The following CDC42BPB variants were observed in gnomAD, a reference collection of about 807,000 sequenced individuals.
The protein encoded by CDC42BPB is CDC42 binding protein kinase beta.
In CDC42BPB, 37 loss-of-function variants were observed where a neutral mutation model predicts 214.9. The observed-to-expected ratio is 0.17, with a 90% CI of 0.13 to 0.23. The LOEUF (loss-of-function observed/expected upper bound fraction) is 0.23. Among genes scored for constraint, CDC42BPB ranks in the 10% least tolerant of loss-of-function variants. The pLI is 1.00. For missense variants in CDC42BPB, 1,694 were observed against 2,227.0 expected, an observed-to-expected ratio of 0.76 and a Z score of 4.82; for synonymous variants, 931 against 884.0, an observed-to-expected ratio of 1.05 and a Z score of -0.94.
chr14:102,941,362 C>G (rs1891880791), intron 30 of CDC42BPB: 1 of 985,450 alleles, frequency 1.0e-6, no homozygotes. Flanking sequence ...GTTTCTATCA[C>G]AGACTCCAAA....
intron 1 of CDC42BPB, among the ~76,000 whole-genome samples, chr14:103,038,963 G>A (rs144255545): frequency 1.3e-5 from 2 of 152,210 alleles, no homozygotes; most frequent in African/African-American, 4.8e-5. Context: ...GACATTAACA[G>A]AAGTAAAGAA....
Position 102,978,743 on chromosome 14 carries a change from C to T in CDC42BPB, c.1141-538G>A, listed in dbSNP as rs532874539. On this transcript the variant is annotated intron_variant, in intron 8 of 36. Transcript: ENST00000361246. ...ACCAGGGGCCAGGCACAGTGGCTCACGCCTGTAGTCCCAGCAATTTGGGAG... is the reference window on the plus strand; with the variant it reads ...ACCAGGGGCCAGGCACAGTGGCTCATGCCTGTAGTCCCAGCAATTTGGGAG... Among the ~76,000 whole-genome samples, 39 of 152,294 alleles carry T rather than the reference C, an allele frequency of 2.6e-4. 1 individual carries two copies. The highest frequency in any genetic ancestry group is 6.5e-4 in the African/African-American group (27 of 41,560).
intron 5 of CDC42BPB, among the ~76,000 whole-genome samples, chr14:102,990,787 G>A (rs1171149930): frequency 6.6e-6 from 1 of 152,182 alleles, no homozygotes; most frequent in African/African-American, 2.4e-5. Flanking sequence ...GAGGCACAGC[G>A]CAAACACAGG....
At chr14:103,013,335 T>C (rs979456683) in intron 1 of CDC42BPB, among the ~76,000 whole-genome samples, 1 of 152,202 alleles carries the variant, frequency 6.6e-6, no homozygotes, top group African/African-American at 2.4e-5. Context: ...GTAACAGTAA[T>C]GTCCACCAGT....
At chr14:103,024,184 A>C (rs994354940) in intron 1 of CDC42BPB, among the ~76,000 whole-genome samples, 5 of 152,242 alleles carry the variant, frequency 3.3e-5, no homozygotes, top group Non-Finnish European at 7.3e-5. Context: ...AGAACCGTCT[A>C]CGCATCTTCC....
rs142788666 is a variant in CDC42BPB at position 102,944,755 on chromosome 14, T to C, written c.3812-268A>G. Reference sequence around the variant, plus strand: ...CCAAAGGCTCCTCTGCCTCTGCTGCTGTGCACACCCCTCAGTGCACCAGGG... The same window carrying C: ...CCAAAGGCTCCTCTGCCTCTGCTGCCGTGCACACCCCTCAGTGCACCAGGG... On this transcript the variant is annotated intron_variant, in intron 29 of 36. Coordinates refer to ENST00000361246, the MANE Select transcript of CDC42BPB (RefSeq NM_006035.4). The surrounding 1 kb of genome is among the most constrained non-coding windows in gnomAD (Gnocchi z 6.6). The C allele has an allele frequency of 6.4e-5, 48 of 752,722 alleles. No homozygotes were observed. In the African/African-American group the frequency reaches 8.8e-4, roughly 14 times the overall value. 46.6% of individuals were successfully genotyped at this position (752,722 alleles called of 1,614,324 possible). A position where few individuals can be genotyped will look rare whatever the true frequency, so the allele number is the denominator to read the frequency against.
chr14:103,011,397 T>C (rs1356387752), intron 2 of CDC42BPB, among the ~76,000 whole-genome samples: 2 of 152,146 alleles, frequency 1.3e-5, no homozygotes, highest in African/African-American at 4.8e-5. Flanking sequence ...TTTTAGAAAA[T>C]GCCAAGAAGT....
chr14:102,940,623 C>T, intron 30 of CDC42BPB: 1 of 561,478 alleles, frequency 1.8e-6, no homozygotes, highest in Non-Finnish European at 2.9e-6. Flanking sequence ...ATTTAGCTCT[C>T]ATGAGATGTG....
At chr14:102,999,271 T>G (rs1451585508) in intron 5 of CDC42BPB, among the ~76,000 whole-genome samples, 4 of 150,998 alleles carry the variant, frequency 2.6e-5, no homozygotes, top group Non-Finnish European at 5.9e-5. Context: ...GCACAGGCAT[T>G]TTAGGGAGGG....
At chr14:103,007,096 A>C (rs1028194493) in intron 3 of CDC42BPB, among the ~76,000 whole-genome samples, 1 of 152,222 alleles carries the variant, frequency 6.6e-6, no homozygotes, top group Admixed American at 6.5e-5. Context: ...GGCTTCTCCC[A>C]AAGAAGGAAG....
At position 102,978,225 on chromosome 14, in the gene CDC42BPB, A is replaced by G. The variant is rs1222821365; in HGVS notation, c.1141-20T>C. On this transcript the variant is annotated intron_variant, in intron 8 of 36. Coordinates refer to ENST00000361246, the MANE Select transcript of CDC42BPB (RefSeq NM_006035.4). ...TATTTCCTGCATAAGAACATATACA[A>G]CACAAATGAAATCTACATTCAAACA... 1 of 1,608,100 alleles carries G rather than the reference A, an allele frequency of 6.2e-7. No homozygotes were observed. Among genetic ancestry groups the G allele is most frequent in the Admixed American group, 1.7e-5 (1 of 59,946 alleles).
At chr14:103,022,117 C>T (rs1362907335) in intron 1 of CDC42BPB, among the ~76,000 whole-genome samples, 3 of 152,104 alleles carry the variant, frequency 2.0e-5, no homozygotes, top group Non-Finnish European at 4.4e-5. Flanking sequence ...AAGGACAGAA[C>T]CCTGGGGGGC....
At chr14:102,968,829 G>C in intron 14 of CDC42BPB, 113 bp from the exon 15 acceptor site, 1 of 1,531,834 alleles carries the variant, frequency 6.5e-7, no homozygotes, top group South Asian at 1.3e-5. Flanking sequence ...AGGACTGTGT[G>C]TGCCTGGTCT....
intron 5 of CDC42BPB, 150 bp from the exon 6 acceptor site, chr14:102,986,730 T>C (rs35202201): frequency 0.064 from 86,212 of 1,343,498 alleles, 3,167 homozygotes; most frequent in African/African-American, 0.12. Flanking sequence ...CTGTGTGACA[T>C]TCAGCTGGCA....
In CDC42BPB at chr14:102,954,635, C is replaced by T. The variant is rs779539659; in HGVS notation, c.2955G>A (p.Pro985=). The change falls in exon 22 of 37, where the codon CCG becomes CCA. Residue 985 remains proline (P), a synonymous_variant. Coordinates refer to ENST00000361246, the MANE Select transcript of CDC42BPB (RefSeq NM_006035.4). The part of the protein sequence containing the change: ...ETQAPKPEAS[P]SMSVAASEQQ... ...GCTCTGATGCAGCCACAGACATCGA[C>T]GGGGACGCTTCTGGCTTCGGAGCTT... 21 of 1,613,888 alleles carry T rather than the reference C, an allele frequency of 1.3e-5. No individual in the cohort carries two copies. The highest frequency in any genetic ancestry group is 4.5e-5 in the East Asian group (2 of 44,900).
At chr14:102,995,804 C>T (rs1469604488) in intron 5 of CDC42BPB, among the ~76,000 whole-genome samples, 2 of 152,226 alleles carry the variant, frequency 1.3e-5, no homozygotes, top group African/African-American at 2.4e-5. Flanking sequence ...ACCGTAACAT[C>T]GGCCAGCGGC....
At chr14:102,959,492 G>C (rs753422837) in intron 21 of CDC42BPB, 139 bp downstream of exon 21, 8 of 633,002 alleles carry the variant, frequency 1.3e-5, no homozygotes, top group Non-Finnish European at 1.9e-5. Context: ...CAATTACACA[G>C]TTAGCACAAC....
intron 36 of CDC42BPB, among the ~76,000 whole-genome samples, chr14:102,935,795 A>ATGAGGAATGTAAAT (rs1891626101): frequency 6.6e-6 from 1 of 151,170 alleles, no homozygotes; most frequent in Admixed American, 6.6e-5. Flanking sequence ...GACATTAATT[A>ATGAGGAATGTAAAT]TGAGGAATGT....
intron 1 of CDC42BPB, among the ~76,000 whole-genome samples, chr14:103,045,046 A>G (rs543333124): frequency 6.6e-6 from 1 of 150,858 alleles, no homozygotes; most frequent in Admixed American, 6.6e-5. Context: ...AAATAAATAA[A>G]TAAATAAATA....
Sources: allele counts gnomAD v4.1 joint callset (sites outside exome capture counted in the v4.1 genomes callset), GRCh38; gene constraint gnomAD v4.1.1; non-coding constraint Gnocchi (gnomAD v3.1); transcripts MANE v1.5; gene names NCBI Gene and HGNC (gene_info 2026-07-23, HGNC 2026-07-21).